Variants in KDM6A observed in about 807,000 individuals in gnomAD.
The protein encoded by KDM6A is lysine-specific demethylase 6A.
Under a neutral mutation model 117.6 loss-of-function variants are expected in KDM6A, and 11 were observed. That is an observed-to-expected ratio of 0.09 (90% CI 0.06 to 0.15). KDM6A has a LOEUF of 0.15. Ranked by LOEUF, KDM6A falls within the 10% of genes least tolerant of loss-of-function variation. The pLI, the probability that KDM6A is intolerant of heterozygous loss-of-function variation, is 1.00. For synonymous variants in KDM6A, 384 were observed against 396.1 expected (o/e 0.97, Z 0.36); for missense variants, 799 against 1,077.3 (o/e 0.74, Z 3.62).
chrX:44,874,965 A>T (rs1417464561), intron 2 of KDM6A, among the ~76,000 whole-genome samples: 1 of 112,528 alleles, frequency 8.9e-6, no homozygotes, highest in Non-Finnish European at 1.9e-5. Context: ...GTAAATGCTT[A>T]TCAACCTGTA....
intron 2 of KDM6A, among the ~76,000 whole-genome samples, chrX:44,947,367 C>T (rs995290640): frequency 9.3e-6 from 1 of 107,640 alleles, no homozygotes; most frequent in Non-Finnish European, 1.9e-5. Flanking sequence ...TGAATTCAGG[C>T]TTATGGTTGT....
chrX:44,912,354 G>A (rs2035261596), intron 2 of KDM6A, among the ~76,000 whole-genome samples: 1 of 111,347 alleles, frequency 9.0e-6, no homozygotes, highest in African/African-American at 3.3e-5. Flanking sequence ...CTCCCAAAGT[G>A]CTGGAACTAC....
At position 44,968,161 on chromosome X, in the gene KDM6A, A is replaced by G. The variant is rs770461394; in HGVS notation, c.335-6505A>G. ...GGAGCCAGAATGGCCCTTGAGAGCT[A>G]TACCAAGTTGGGCCAAGATAGCCAG... is the stretch of plus-strand genomic sequence containing the variant. On this transcript the variant is annotated intron_variant, in intron 3 of 29. Transcript: ENST00000611820. Among the ~76,000 whole-genome samples, 4 of 112,543 alleles carry G rather than the reference A, an allele frequency of 3.6e-5. No individual in the cohort carries two copies. The East Asian group carries it at 1.1e-3, about 31-fold the overall frequency.
At chrX:44,980,487 C>T (rs1028503307) in intron 4 of KDM6A, among the ~76,000 whole-genome samples, 3 of 109,765 alleles carry the variant, frequency 2.7e-5, no homozygotes, top group Non-Finnish European at 5.7e-5. Context: ...TGGCGTATTT[C>T]ACCCTGTATT....
chrX:45,002,872 C>A (rs937008955), intron 4 of KDM6A, among the ~76,000 whole-genome samples: 1 of 76,035 alleles, frequency 1.3e-5, no homozygotes, highest in Non-Finnish European at 2.4e-5. Context: ...CCCCCCCCCC[C>A]CTTTTCATTC....
At chrX:45,071,602 A>C (rs2044835299) in intron 18 of KDM6A, among the ~76,000 whole-genome samples, 1 of 111,339 alleles carries the variant, frequency 9.0e-6, no homozygotes, top group South Asian at 3.7e-4. Context: ...GGAGCAATGG[A>C]GTATGGAGAA....
rs200245833 is a variant in KDM6A at position 45,027,336 on chromosome X, A to AACACACACACACACACAC, written c.564+6621_564+6638dup. Among the ~76,000 whole-genome samples, 405 of 98,133 alleles carry AACACACACACACACACAC rather than the reference A, an allele frequency of 4.1e-3. 3 individuals are homozygous for AACACACACACACACACAC. The highest frequency in any genetic ancestry group is 0.014 in the African/African-American group (370 of 26,022). The allele number at this position is 98,133 out of a possible 115,157, so 85.2% of individuals were successfully genotyped here. A position where few individuals can be genotyped will look rare whatever the true frequency, so the allele number is the denominator to read the frequency against. ...CACACACACACGCAACATAGTGTGA[A>AACACACACACACACACAC]ACACACACACACACACACACACACA... is the stretch of plus-strand genomic sequence containing the variant. On this transcript the variant is annotated intron_variant, in intron 6 of 29. Coordinates refer to ENST00000611820, the MANE Select transcript of KDM6A (RefSeq NM_001291415.2).
At chrX:45,035,176 A>C (rs2042758296) in intron 7 of KDM6A, among the ~76,000 whole-genome samples, 191 bp downstream of exon 7, 1 of 112,311 alleles carries the variant, frequency 8.9e-6, no homozygotes, top group African/African-American at 3.2e-5. Context: ...CTGTGTCTAA[A>C]ATAGATAGGC....
At chrX:44,958,121 A>G (rs190561071) in intron 2 of KDM6A, among the ~76,000 whole-genome samples, 102 of 111,172 alleles carry the variant, frequency 9.2e-4, no homozygotes, top group African/African-American at 3.0e-3. Flanking sequence ...ATTTCTGACA[A>G]TCCTTACACT....
At chrX:44,925,212 C>T (rs1466094805) in intron 2 of KDM6A, among the ~76,000 whole-genome samples, 1 of 111,155 alleles carries the variant, frequency 9.0e-6, no homozygotes, top group Non-Finnish European at 1.9e-5. Flanking sequence ...TCACTTCCTA[C>T]CTTGTGAACT....
intron 2 of KDM6A, among the ~76,000 whole-genome samples, chrX:44,913,725 C>A (rs1012273830): frequency 1.0e-4 from 11 of 109,120 alleles, no homozygotes; most frequent in African/African-American, 3.4e-4. Flanking sequence ...AGATTGCTAT[C>A]CACTATTTGT....
intron 4 of KDM6A, among the ~76,000 whole-genome samples, chrX:44,999,365 T>G (rs1215195886): frequency 1.8e-5 from 2 of 111,355 alleles, no homozygotes; most frequent in African/African-American, 6.5e-5. Flanking sequence ...GCTGTGTAGT[T>G]CCCCTATTGG....
chrX:45,092,583 C>T (rs2045937876), intron 27 of KDM6A, among the ~76,000 whole-genome samples: 1 of 111,847 alleles, frequency 8.9e-6, no homozygotes, highest in African/African-American at 3.2e-5. Context: ...CTATGCCAGA[C>T]ACTGTTCTAG....
In KDM6A at chrX:45,069,744, A is replaced by C. The variant is rs1158640532; in HGVS notation, c.2245A>C (p.Asn749His). 2 of 1,210,148 alleles carry C rather than the reference A, an allele frequency of 1.7e-6. No individual in the cohort carries two copies. The highest frequency in any genetic ancestry group is 2.2e-6 in the Non-Finnish European group (2 of 894,847). ...TTCAGTAACACAGGGGGCTGCTCTC[A>C]ATCACCTCTCCTCTCACACTGCTAC... ...SNSVTQGAAL[N>H]HLSSHTATSG... Residue 749 changes from asparagine to histidine, a missense_variant, in exon 18 of 30, where the codon AAT becomes CAT. Transcript: ENST00000611820.
At chrX:45,065,850 T>C (rs2044507830) in intron 17 of KDM6A, among the ~76,000 whole-genome samples, 1 of 110,524 alleles carries the variant, frequency 9.0e-6, no homozygotes, top group Non-Finnish European at 1.9e-5. Context: ...TCAAAGACAA[T>C]GTGAGTGATG....
intron 27 of KDM6A, among the ~76,000 whole-genome samples, chrX:45,102,128 G>A (rs2046357459): frequency 8.9e-6 from 1 of 111,746 alleles, no homozygotes; most frequent in Admixed American, 9.5e-5. Flanking sequence ...ACAAATCTGA[G>A]ACATTGGTTT....
chrX:45,072,545 A>G (rs936457963), intron 18 of KDM6A, among the ~76,000 whole-genome samples: 12 of 110,500 alleles, frequency 1.1e-4, no homozygotes, highest in African/African-American at 4.0e-4. Context: ...GCCTTGATTC[A>G]CTGCCAGTTT....
At chrX:44,954,237 C>T (rs1247517545) in intron 2 of KDM6A, among the ~76,000 whole-genome samples, 2 of 110,230 alleles carry the variant, frequency 1.8e-5, no homozygotes, top group Admixed American at 9.8e-5. Context: ...AAGGCATTGC[C>T]GAATACCCGC....
At chrX:44,873,789 G>T in intron 1 of KDM6A, 77 bp downstream of exon 1, 3 of 1,147,771 alleles carry the variant, frequency 2.6e-6, no homozygotes, top group Non-Finnish European at 3.5e-6. Flanking sequence ...AGCGCGGCTT[G>T]TCTCTGGCGG....
Sources: gnomAD v4.1 joint callset for allele counts (sites outside exome capture counted in the v4.1 genomes callset) on GRCh38, gnomAD v4.1.1 for gene constraint, MANE v1.5 for transcripts, NCBI Gene and HGNC (gene_info 2026-07-23, HGNC 2026-07-21) for gene names.